ICA1L: variants seen among roughly 807,000 people sequenced by gnomAD.
The protein encoded by ICA1L is islet cell autoantigen 1-like protein.
ICA1L carries 50 observed loss-of-function variants against 61.3 expected under a neutral mutation model. The ratio of observed to expected loss-of-function variants is 0.82; its 90% CI spans 0.65 to 1.03. The LOEUF (loss-of-function observed/expected upper bound fraction) is 1.03, where lower values mean the gene tolerates loss of function less well. Ranked by LOEUF, ICA1L falls within the 50% of genes least tolerant of loss-of-function variation. ICA1L has a pLI of 0.00. For missense variants in ICA1L, 508 were observed against 556.7 expected (o/e 0.91, Z 0.88); for synonymous variants, 161 against 191.3 (o/e 0.84, Z 1.31).
intron 3 of ICA1L, among the ~76,000 whole-genome samples, chr2:202,825,027 G>A (rs1446528949): frequency 6.6e-6 from 1 of 152,178 alleles, no homozygotes; most frequent in East Asian, 1.9e-4. Context: ...GAGTACAAGA[G>A]AAATTGGAAG....
rs1462555700 is a variant in ICA1L at position 202,862,272 on chromosome 2, C to CCAAAAAA, written c.-8+9346_-8+9347insTTTTTTG. Among the ~76,000 whole-genome samples the CCAAAAAA allele has an allele frequency of 2.5e-3, 157 of 62,972 alleles. 63 individuals are homozygous for CCAAAAAA. The highest frequency in any genetic ancestry group is 5.4e-3 in the South Asian group (9 of 1,662). 41.3% of individuals were successfully genotyped at this position (62,972 alleles called of 152,430 possible). On this transcript the variant is annotated intron_variant, in intron 1 of 12. Coordinates refer to ENST00000358299, the MANE Select transcript of ICA1L (RefSeq NM_001288622.3). ...GCAACACAGTAAGACCTCATTTCTA[C>CCAAAAAA]AAAAAAAAAAAAAAAAAAAAAAAAA... is the stretch of plus-strand genomic sequence containing the variant.
intron 1 of ICA1L, among the ~76,000 whole-genome samples, chr2:202,861,679 G>C (rs547665636): frequency 6.6e-6 from 1 of 151,686 alleles, no homozygotes; most frequent in South Asian, 2.1e-4. Context: ...TTGAGGTTAG[G>C]AGTTCGAGAC....
chr2:202,855,910 C>T (rs1694754947), intron 1 of ICA1L, among the ~76,000 whole-genome samples: 1 of 151,978 alleles, frequency 6.6e-6, no homozygotes, highest in Non-Finnish European at 1.5e-5. Context: ...CCCGTCTCTA[C>T]TAAAAATACA....
At chr2:202,817,628 C>A in intron 5 of ICA1L, 85 bp from the exon 6 acceptor site, 1 of 598,698 alleles carries the variant, frequency 1.7e-6, no homozygotes, top group South Asian at 5.8e-5. Context: ...TATACAGGTT[C>A]ATAATAAATA....
Position 202,774,472 on chromosome 2 carries a change from T to G in ICA1L, c.*5061A>C, listed in dbSNP as rs1371504479. The G allele has an allele frequency of 2.1e-6, 1 of 483,952 alleles. No individual in the cohort carries two copies. The allele number at this position is 483,952 out of a possible 1,614,324, so 30.0% of individuals were successfully genotyped here. A position where few individuals can be genotyped will look rare whatever the true frequency, so the allele number is the denominator to read the frequency against. On this transcript the variant is annotated 3_prime_UTR_variant, in exon 13 of 13. Transcript: ENST00000358299. ...CAAGAAACAACTTTTTCTTTCATGT[T>G]TTTTGTATGTGTTTTTTTAGGTTAT...
rs1253651409 is a variant in ICA1L at position 202,774,980 on chromosome 2, T to C, written c.*4553A>G. ...ATTTACACCACTGAGTGAAGAACCA[T>C]GTTTTGACTTTAAATGCCAAGGACA... On this transcript the variant is annotated 3_prime_UTR_variant, in exon 13 of 13. Coordinates refer to ENST00000358299, the MANE Select transcript of ICA1L (RefSeq NM_001288622.3). 1 of 152,254 alleles carries C rather than the reference T, an allele frequency of 6.6e-6. No homozygotes were observed. Among genetic ancestry groups the C allele is most frequent in the African/African-American group, 2.4e-5 (1 of 41,470 alleles). 9.4% of individuals were successfully genotyped at this position (152,254 alleles called of 1,614,324 possible).
At chr2:202,800,152 A>AT (rs1054553095) in intron 9 of ICA1L, among the ~76,000 whole-genome samples, 4 of 151,978 alleles carry the variant, frequency 2.6e-5, no homozygotes, top group Admixed American at 6.6e-5. Flanking sequence ...AAGTGCTGGG[A>AT]TTACAAGTGT....
chr2:202,861,276 G>A (rs1015527679), intron 1 of ICA1L, among the ~76,000 whole-genome samples: 1 of 150,742 alleles, frequency 6.6e-6, no homozygotes, highest in Non-Finnish European at 1.5e-5. Flanking sequence ...GTGGTGGCTC[G>A]CACCTGTAGT....
At chr2:202,786,839 A>G (rs58790635) in intron 11 of ICA1L, 3 of 416,384 alleles carry the variant, frequency 7.2e-6, no homozygotes, top group African/African-American at 6.3e-5. Context: ...GTATAAAATG[A>G]CAGTACTTTG....
At chr2:202,823,512 C>T (rs1344062894) in intron 3 of ICA1L, among the ~76,000 whole-genome samples, 3 of 152,030 alleles carry the variant, frequency 2.0e-5, no homozygotes, top group African/African-American at 4.8e-5. Context: ...CTCACTTGGT[C>T]CAGTGATTGT....
intron 3 of ICA1L, among the ~76,000 whole-genome samples, chr2:202,824,055 C>G (rs933182476): frequency 6.6e-6 from 1 of 152,086 alleles, no homozygotes. Context: ...TTATCGAGTA[C>G]TGACTACATG....
intron 1 of ICA1L, among the ~76,000 whole-genome samples, chr2:202,853,305 C>T (rs1374922753): frequency 6.7e-6 from 1 of 149,670 alleles, no homozygotes; most frequent in Non-Finnish European, 1.5e-5. Flanking sequence ...TGCAGTGAGC[C>T]GGGACTGTGC....
At chr2:202,852,228 T>C (rs1015578271) in intron 1 of ICA1L, among the ~76,000 whole-genome samples, 1 of 152,172 alleles carries the variant, frequency 6.6e-6, no homozygotes, top group Non-Finnish European at 1.5e-5. Flanking sequence ...TGTATCTTTA[T>C]AGCAGCATGA....
rs1693655141 is a variant in ICA1L, at chr2:202,820,043, G to A, written c.360-144C>T. 1.5e-5 allele frequency: 10 copies of A among 657,952 alleles called. No individual in the cohort carries two copies. The East Asian group carries it at 2.7e-4, about 18-fold the overall frequency. 40.8% of individuals were successfully genotyped at this position (657,952 alleles called of 1,614,324 possible). On this transcript the variant is annotated intron_variant, in intron 4 of 12. Transcript: ENST00000358299. ...TTCAGTTCCTAAGGAGATTTTGAAA[G>A]CAAATAAGGATCATATAGCCAACTC...
intron 4 of ICA1L, 118 bp from the exon 5 acceptor site, chr2:202,820,017 A>T (rs147171420): frequency 1.3e-6 from 1 of 741,126 alleles, no homozygotes; most frequent in East Asian, 2.7e-5. Flanking sequence ...GTAAAAAATT[A>T]TTCAGTTCCT....
In ICA1L at chr2:202,778,680, T is replaced by A. The variant is rs1574316933; in HGVS notation, c.*853A>T. 2.6e-5 allele frequency: 4 copies of A among 152,766 alleles called. No homozygotes were observed. In the East Asian group the frequency reaches 7.7e-4, roughly 29 times the overall value. The allele number at this position is 152,766 out of a possible 1,614,324, so 9.5% of individuals were successfully genotyped here. A position where few individuals can be genotyped will look rare whatever the true frequency, so the allele number is the denominator to read the frequency against. ...GCTTAGGGAATATTCTCCCCTCATT[T>A]TATTTTCAGGAATAATATAAATACT... On this transcript the variant is annotated 3_prime_UTR_variant, in exon 13 of 13. Coordinates refer to ENST00000358299, the MANE Select transcript of ICA1L (RefSeq NM_001288622.3).
intron 4 of ICA1L, among the ~76,000 whole-genome samples, chr2:202,820,889 G>A (rs1693682479): frequency 6.6e-6 from 1 of 152,128 alleles, no homozygotes; most frequent in African/African-American, 2.4e-5. Flanking sequence ...GAGATTCTTT[G>A]CAGTAGGTAT....
chr2:202,849,524 C>T lies in ICA1L; in HGVS notation c.-7-20508G>A, dbSNP rs924375759. 1.3e-5 allele frequency among the ~76,000 whole-genome samples: 2 copies of T among 152,216 alleles called. No individual in the cohort carries two copies. The highest frequency in any genetic ancestry group is 4.8e-5 in the African/African-American group (2 of 41,460). ...TGCTAAGGAGGCCAGGCAGTTTAGA[C>T]TGGGCAGAACTCACCACAGTGCGGG... On this transcript the variant is annotated intron_variant, in intron 1 of 12. Coordinates refer to ENST00000358299, the MANE Select transcript of ICA1L (RefSeq NM_001288622.3). This position sits in a 1 kb window ranked among gnomAD's most constrained non-coding sequence, Gnocchi z 4.5.
chr2:202,806,818 T>C (rs754028541), intron 9 of ICA1L, among the ~76,000 whole-genome samples: 13 of 152,186 alleles, frequency 8.5e-5, no homozygotes, highest in Non-Finnish European at 1.2e-4. Context: ...GAGCCATAAA[T>C]GATGTTTTAA....
Sources: gnomAD v4.1 joint callset for allele counts (sites outside exome capture counted in the v4.1 genomes callset) on GRCh38, gnomAD v4.1.1 for gene constraint, Gnocchi (gnomAD v3.1) non-coding constraint, MANE v1.5 for transcripts, NCBI Gene and HGNC (gene_info 2026-07-23, HGNC 2026-07-21) for gene names.